Variants in KIAA1549L observed in about 807,000 individuals in gnomAD.
KIAA1549L encodes UPF0606 protein KIAA1549L.
Under a neutral mutation model 160.7 loss-of-function variants are expected in KIAA1549L, and 88 were observed. That is an observed-to-expected ratio of 0.55 (90% CI 0.46 to 0.65). The LOEUF (loss-of-function observed/expected upper bound fraction) is 0.65. Ranked by LOEUF, KIAA1549L falls within the 30% of genes least tolerant of loss-of-function variation. KIAA1549L has a pLI of 0.00. For missense variants in KIAA1549L, 2,258 were observed against 2,437.5 expected (o/e 0.93, Z 1.55); for synonymous variants, 950 against 976.7 (o/e 0.97, Z 0.51).
intron 1 of KIAA1549L, among the ~76,000 whole-genome samples, chr11:33,506,551 C>A (rs1278655084): frequency 6.6e-6 from 1 of 151,908 alleles, no homozygotes; most frequent in Non-Finnish European, 1.5e-5. Flanking sequence ...CATAGCGAGA[C>A]CCTACAACAA....
intron 10 of KIAA1549L, 128 bp from the exon 11 acceptor site, chr11:33,583,210 C>A (rs892677932): frequency 1.1e-6 from 1 of 878,438 alleles, no homozygotes; most frequent in South Asian, 1.8e-5. Context: ...GCTTTCTAAC[C>A]CCAAACCCTC....
chr11:33,545,111 T>TA lies in KIAA1549L; in HGVS notation c.3119dup (p.Tyr1040Ter). Reference protein sequence around the residue: ...DTASGLLSTTYLPRKPQAMHT... With the variant: ...DTASGLLSTT ...TGCCTCTGGCCTGTTGTCTACAACTTACCTCCCCAGGAAACCACAAGCCAT... is the reference window on the plus strand; with the variant it reads ...TGCCTCTGGCCTGTTGTCTACAACTTAACCTCCCCAGGAAACCACAAGCCAT... Residue 1040 changes from tyrosine (Y) to a stop codon, truncating the protein, a stop_gained and frameshift_variant, in exon 3 of 21, where the codon TAC becomes TAAC. Coordinates refer to ENST00000658780, the MANE Select transcript of KIAA1549L (RefSeq NM_012194.3). LOFTEE classifies it high-confidence loss of function. 1.2e-6 allele frequency: 2 copies of TA among 1,613,974 alleles called. No individual in the cohort carries two copies. The highest frequency in any genetic ancestry group is 1.7e-6 in the Non-Finnish European group (2 of 1,179,870).
intron 11 of KIAA1549L, among the ~76,000 whole-genome samples, chr11:33,586,800 T>C (rs1849892432): frequency 6.6e-6 from 1 of 152,178 alleles, no homozygotes; most frequent in Non-Finnish European, 1.5e-5. Flanking sequence ...TTAACCTCTC[T>C]AAACCTCAGT....
Position 33,645,989 on chromosome 11 carries a change from G to C in KIAA1549L, c.5713G>C (p.Val1905Leu). The C allele has an allele frequency of 6.2e-7, 1 of 1,608,334 alleles. No homozygotes were observed. Among genetic ancestry groups the C allele is most frequent in the South Asian group, 1.1e-5 (1 of 90,108 alleles). The stretch of plus-strand genomic sequence containing the variant: ...GCGGCCCAGGGCCGGGGTGCAGTGG[G>C]TGCCGACCTACCGCCCAGAAATGTA... ...MTRPRAGVQW[V>L]PTYRPEMYQY... is the part of the protein sequence containing the mutation. Residue 1905 changes from valine (V) to leucine (L), a missense_variant, in exon 17 of 21, where the codon GTG becomes CTG. Val to Leu is a conservative substitution (Grantham distance 32). Coordinates refer to ENST00000658780, the MANE Select transcript of KIAA1549L (RefSeq NM_012194.3).
intron 1 of KIAA1549L, among the ~76,000 whole-genome samples, chr11:33,507,961 A>C (rs1007519258): frequency 1.3e-5 from 2 of 152,212 alleles, no homozygotes; most frequent in Non-Finnish European, 2.9e-5. Flanking sequence ...AACTTTCAGG[A>C]ATAACTGTCA....
intron 15 of KIAA1549L, among the ~76,000 whole-genome samples, chr11:33,611,169 A>G (rs1850638392): frequency 6.6e-6 from 1 of 152,144 alleles, no homozygotes; most frequent in East Asian, 1.9e-4. Context: ...TTCCTTTCCC[A>G]CCTACCTGAA....
intron 1 of KIAA1549L, among the ~76,000 whole-genome samples, chr11:33,532,667 A>G (rs1201900820): frequency 6.6e-6 from 1 of 152,226 alleles, no homozygotes; most frequent in Non-Finnish European, 1.5e-5. Flanking sequence ...TTTCTCTGAC[A>G]TACAAGGGAG....
At chr11:33,436,686 A>G (rs1237359180) in intron 1 of KIAA1549L, among the ~76,000 whole-genome samples, 2 of 152,228 alleles carry the variant, frequency 1.3e-5, no homozygotes, top group African/African-American at 4.8e-5. Context: ...TGGTTTAACA[A>G]CTTGTTCAAG....
chr11:33,447,028 A>G (rs557971706), intron 1 of KIAA1549L, among the ~76,000 whole-genome samples: 3 of 152,272 alleles, frequency 2.0e-5, no homozygotes, highest in South Asian at 2.1e-4. Flanking sequence ...AAGACATATA[A>G]TCGTACAAAA....
intron 15 of KIAA1549L, among the ~76,000 whole-genome samples, chr11:33,616,446 G>A (rs1850810735): frequency 6.6e-6 from 1 of 152,136 alleles, no homozygotes; most frequent in Non-Finnish European, 1.5e-5. Flanking sequence ...TGCTGGGATT[G>A]GTCCAGCCTG....
intron 10 of KIAA1549L, among the ~76,000 whole-genome samples, chr11:33,580,192 T>C (rs979473029): frequency 1.3e-5 from 2 of 152,156 alleles, no homozygotes; most frequent in Non-Finnish European, 2.9e-5. Flanking sequence ...GTTATCCAGC[T>C]GATGGAATAG....
At chr11:33,431,024 G>A (rs1427619726) in intron 1 of KIAA1549L, among the ~76,000 whole-genome samples, 2 of 152,056 alleles carry the variant, frequency 1.3e-5, no homozygotes, top group Admixed American at 6.6e-5. Context: ...TCTTCCTTCT[G>A]GTGAGTTCGT....
intron 3 of KIAA1549L, among the ~76,000 whole-genome samples, chr11:33,546,904 A>C (rs1038075297): frequency 3.3e-5 from 5 of 152,248 alleles, no homozygotes; most frequent in African/African-American, 1.2e-4. Context: ...CAAGTATAAC[A>C]ATAGACTGTA....
intron 10 of KIAA1549L, among the ~76,000 whole-genome samples, chr11:33,576,293 T>A (rs11032300): frequency 0.38 from 57,112 of 152,064 alleles, 13,655 homozygotes; most frequent in African/African-American, 0.69. Flanking sequence ...ATGATGGTCC[T>A]GACCTTGTAT....
intron 1 of KIAA1549L, among the ~76,000 whole-genome samples, chr11:33,439,040 C>T (rs1468977575): frequency 6.6e-6 from 1 of 151,992 alleles, no homozygotes; most frequent in Non-Finnish European, 1.5e-5. Context: ...AATTCTCCTG[C>T]CTCAACCTCC....
At chr11:33,464,533 C>CG in intron 1 of KIAA1549L, among the ~76,000 whole-genome samples, 3 of 143,294 alleles carry the variant, frequency 2.1e-5, no homozygotes, top group Middle Eastern at 8.2e-3. Flanking sequence ...TGCCCCCCCC[C>CG]ACACACGCAT....
chr11:33,658,776 C>T lies in KIAA1549L; in HGVS notation c.5885C>T (p.Thr1962Ile), dbSNP rs762519005. The change falls in exon 19 of 21, where the codon ACC (threonine) becomes ATC (isoleucine). Residue 1962 changes from threonine to isoleucine, a missense_variant. Physicochemically the swap from Thr to Ile is moderately conservative, Grantham distance 89. Transcript: ENST00000658780. ...RRSTSDIGSKTRMAESTGPEP... is the reference protein window; with the variant it reads ...RRSTSDIGSKIRMAESTGPEP... The stretch of plus-strand genomic sequence containing the variant: ...TCCACCTCAGACATCGGCAGCAAGA[C>T]CAGAATGGCCGAGTCTACAGGGCCC... 1.3e-6 allele frequency: 2 copies of T among 1,571,658 alleles called. No individual in the cohort carries two copies. The highest frequency in any genetic ancestry group is 1.7e-6 in the Non-Finnish European group (2 of 1,159,420).
chr11:33,435,798 A>ATGTGTGTGTGTGTGTGTGTGTGTGTGTG, intron 1 of KIAA1549L, among the ~76,000 whole-genome samples: 1 of 7,624 alleles, frequency 1.3e-4, no homozygotes, highest in Admixed American at 2.1e-3. Flanking sequence ...ATATATATAT[A>ATGTGTGTGTGTGTGTGTGTGTGTGTGTG]TATATATATA....
intron 1 of KIAA1549L, among the ~76,000 whole-genome samples, chr11:33,421,396 T>C (rs1010801330): frequency 6.6e-6 from 1 of 152,230 alleles, no homozygotes; most frequent in African/African-American, 2.4e-5. Context: ...TGCAATTTCT[T>C]GCTACCCACA....
Sources: gnomAD v4.1 joint callset for allele counts (sites outside exome capture counted in the v4.1 genomes callset) on GRCh38, gnomAD v4.1.1 for gene constraint, MANE v1.5 for transcripts, NCBI Gene and HGNC (gene_info 2026-07-23, HGNC 2026-07-21) for gene names.